Variants in MGAT5 observed in about 807,000 individuals in gnomAD.
The protein encoded by MGAT5 is alpha-1,6-mannosylglycoprotein 6-beta-N-acetylglucosaminyltransferase A.
MGAT5 carries 30 observed loss-of-function variants against 94.3 expected under a neutral mutation model. That is an observed-to-expected ratio of 0.32 (90% CI 0.24 to 0.43). The LOEUF (loss-of-function observed/expected upper bound fraction) is 0.43. MGAT5 is among the 20% of genes least tolerant of loss of function. MGAT5 has a pLI of 1.00. For synonymous variants in MGAT5, 310 were observed against 322.9 expected (o/e 0.96, Z 0.43); for missense variants, 691 against 905.5 (o/e 0.76, Z 3.04).
intron 1 of MGAT5, among the ~76,000 whole-genome samples, chr2:134,124,711 C>A (rs1685763084): frequency 6.6e-6 from 1 of 152,236 alleles, no homozygotes; most frequent in Admixed American, 6.5e-5. Context: ...GTGAGTTACA[C>A]CCAAGTACTT....
chr2:134,381,181 GT>G (rs1681520424), intron 10 of MGAT5, among the ~76,000 whole-genome samples: 1 of 152,128 alleles, frequency 6.6e-6, no homozygotes, highest in Non-Finnish European at 1.5e-5. Context: ...GGGTATGGTG[GT>G]GTGTTCCTTC....
At chr2:134,131,181 A>G (rs569472332) in intron 1 of MGAT5, among the ~76,000 whole-genome samples, 284 of 152,332 alleles carry the variant, frequency 1.9e-3, no homozygotes, top group African/African-American at 6.5e-3. Flanking sequence ...CAGAAGGAAG[A>G]GACTCCGAAC....
At chr2:134,317,898 T>C (rs1388319862) in intron 3 of MGAT5, among the ~76,000 whole-genome samples, 1 of 152,152 alleles carries the variant, frequency 6.6e-6, no homozygotes, top group Admixed American at 6.6e-5. Context: ...TTTCCCAGCC[T>C]CCAGCAAGTG....
Position 134,344,917 on chromosome 2 carries a change from G to T in MGAT5, c.978-13G>T. 6.2e-7 allele frequency: 1 copy of T among 1,608,882 alleles called. No individual in the cohort carries two copies. On this transcript the variant is annotated splice_polypyrimidine_tract_variant and intron_variant, in intron 7 of 15. Coordinates refer to ENST00000281923, the MANE Select transcript of MGAT5 (RefSeq NM_002410.5). Reference sequence around the variant, plus strand: ...TTCTCTTTTTTCTCCCCTCTCTTTTGCCGTTTCTCTAGAATCATGAAGAAG... The same window carrying T: ...TTCTCTTTTTTCTCCCCTCTCTTTTTCCGTTTCTCTAGAATCATGAAGAAG...
At chr2:134,223,697 T>G (rs1680908174) in intron 1 of MGAT5, among the ~76,000 whole-genome samples, 1 of 151,886 alleles carries the variant, frequency 6.6e-6, no homozygotes, top group Non-Finnish European at 1.5e-5. Context: ...AAAGAGAATA[T>G]TATAGCAAGG....
intron 1 of MGAT5, among the ~76,000 whole-genome samples, chr2:134,140,533 G>A (rs1203646376): frequency 6.6e-6 from 1 of 152,194 alleles, no homozygotes; most frequent in Non-Finnish European, 1.5e-5. Context: ...GAGCCAATGA[G>A]CCATTCTTGT....
chr2:134,276,293 C>T (rs1398757348), intron 2 of MGAT5, among the ~76,000 whole-genome samples: 1 of 152,054 alleles, frequency 6.6e-6, no homozygotes, highest in East Asian at 1.9e-4. Context: ...CCTTTCCTGG[C>T]CCACAGTGTG....
At chr2:134,381,121 T>C (rs992686893) in intron 10 of MGAT5, among the ~76,000 whole-genome samples, 1 of 152,148 alleles carries the variant, frequency 6.6e-6, no homozygotes, top group African/African-American at 2.4e-5. Context: ...CTGAACTCTT[T>C]GAATCATGGG....
chr2:134,447,876 G>A (rs1327699252), intron 15 of MGAT5, among the ~76,000 whole-genome samples: 2 of 152,192 alleles, frequency 1.3e-5, no homozygotes, highest in Non-Finnish European at 2.9e-5. Context: ...GCTGGGGAGA[G>A]AGGGCCTGGA....
At chr2:134,374,814 G>A (rs1391867824) in intron 10 of MGAT5, among the ~76,000 whole-genome samples, 3 of 152,122 alleles carry the variant, frequency 2.0e-5, no homozygotes, top group African/African-American at 4.8e-5. Context: ...GCAACCTGGC[G>A]AAACCCTATC....
Position 134,254,623 on chromosome 2 carries a change from G to A in MGAT5, c.220G>A (p.Ala74Thr), listed in dbSNP as rs138982519. 15 of 1,614,084 alleles carry A rather than the reference G, an allele frequency of 9.3e-6. No individual in the cohort carries two copies. Among genetic ancestry groups the A allele is most frequent in the East Asian group, 8.9e-5 (4 of 44,900 alleles). The change falls in exon 1 of 16, where the codon GCT becomes ACT. Residue 74 changes from alanine to threonine, a missense_variant. Around this residue, in one of 4 missense-constraint regions of MGAT5, gnomAD observed 307 missense variants for 335.4 expected, o/e 0.92. Transcript: ENST00000281923. ...CAGGAATGTGGTGGATGGGCCATAC[G>A]CTGGAGTCATGACAGCTTATGGTAA... ...ENRNVVDGPYAGVMTAYDLKK... is the reference protein window; with the variant it reads ...ENRNVVDGPYTGVMTAYDLKK...
intron 14 of MGAT5, among the ~76,000 whole-genome samples, chr2:134,430,541 A>T (rs769917174): frequency 2.6e-5 from 4 of 152,136 alleles, no homozygotes; most frequent in Non-Finnish European, 4.4e-5. Flanking sequence ...GGAGGAAGGG[A>T]GGGTGAGTGT....
chr2:134,358,364 T>C (rs928249950), intron 9 of MGAT5, among the ~76,000 whole-genome samples: 2 of 152,188 alleles, frequency 1.3e-5, no homozygotes, highest in African/African-American at 2.4e-5. Context: ...ATCTTTATTA[T>C]CTGAAAAAAG....
chr2:134,423,589 T>C (rs955233795), intron 13 of MGAT5, among the ~76,000 whole-genome samples: 2 of 152,206 alleles, frequency 1.3e-5, no homozygotes, highest in Admixed American at 1.3e-4. Context: ...AGCTGCACTC[T>C]GCTGCTGTAC....
At chr2:134,325,797 C>T (rs1427877995) in intron 4 of MGAT5, among the ~76,000 whole-genome samples, 1 of 152,010 alleles carries the variant, frequency 6.6e-6, no homozygotes, top group Non-Finnish European at 1.5e-5. Flanking sequence ...TCTTACTTTT[C>T]CTCCTTCTAA....
chr2:134,409,086 A>G (rs1265497085), intron 11 of MGAT5, among the ~76,000 whole-genome samples: 1 of 152,166 alleles, frequency 6.6e-6, no homozygotes, highest in Admixed American at 6.5e-5. Context: ...AAAACCCACA[A>G]ACATAACTCC....
intron 9 of MGAT5, among the ~76,000 whole-genome samples, chr2:134,359,544 A>G (rs575677634): frequency 6.6e-6 from 1 of 152,328 alleles, no homozygotes; most frequent in East Asian, 1.9e-4. Flanking sequence ...TTTAAAAATC[A>G]CATTTGTTTA....
chr2:134,301,920 C>T (rs1686042807), intron 2 of MGAT5, among the ~76,000 whole-genome samples: 1 of 152,092 alleles, frequency 6.6e-6, no homozygotes, highest in South Asian at 2.1e-4. Flanking sequence ...ATGAAAGAGA[C>T]CTGGGGGATG....
chr2:134,383,230 A>AT (rs1280139229), intron 10 of MGAT5, among the ~76,000 whole-genome samples: 3 of 152,140 alleles, frequency 2.0e-5, no homozygotes, highest in African/African-American at 4.8e-5. Flanking sequence ...GCATCAGAGG[A>AT]TTTTTTCTAT....
Sources: allele counts gnomAD v4.1 joint callset (sites outside exome capture counted in the v4.1 genomes callset), GRCh38; gene constraint gnomAD v4.1.1; regional missense constraint gnomAD v4.1.1; transcripts MANE v1.5; gene names NCBI Gene and HGNC (gene_info 2026-07-23, HGNC 2026-07-21).